Variants in TNIK observed in about 807,000 individuals in gnomAD.
The protein encoded by TNIK is TRAF2 and NCK-interacting protein kinase.
A neutral mutation model predicts 191.3 loss-of-function variants in TNIK; 49 were observed. The ratio of observed to expected loss-of-function variants is 0.26; its 90% CI spans 0.20 to 0.32. TNIK has a LOEUF of 0.32. Among genes scored for constraint, TNIK ranks in the 10% least tolerant of loss-of-function variants. The probability of loss-of-function intolerance (pLI) is 1.00; values close to 1 mark genes in which losing one functional copy is unlikely to be tolerated. For synonymous variants in TNIK, 594 were observed against 600.9 expected (o/e 0.99, Z 0.17); for missense variants, 1,155 against 1,702.3 (o/e 0.68, Z 5.66).
intron 1 of TNIK, among the ~76,000 whole-genome samples, chr3:171,437,016 T>A (rs1019765120): frequency 6.6e-6 from 1 of 152,236 alleles, no homozygotes; most frequent in African/African-American, 2.4e-5. Flanking sequence ...TCTCTTTTTT[T>A]ATTACTGCCC....
chr3:171,305,549 C>T (rs1753363032), intron 2 of TNIK, among the ~76,000 whole-genome samples: 2 of 152,004 alleles, frequency 1.3e-5, no homozygotes, highest in African/African-American at 4.8e-5. Flanking sequence ...AAAAAGTGGG[C>T]AAAGGACATG....
At chr3:171,202,667 TTAA>T (rs1402937110) in intron 4 of TNIK, among the ~76,000 whole-genome samples, 2 of 152,220 alleles carry the variant, frequency 1.3e-5, no homozygotes, top group Admixed American at 6.5e-5. Context: ...GAATCACCCA[TTAA>T]TTCATAAAAT....
chr3:171,317,413 A>T (rs1360101500), intron 2 of TNIK, among the ~76,000 whole-genome samples: 1 of 152,176 alleles, frequency 6.6e-6, no homozygotes, highest in South Asian at 2.1e-4. Flanking sequence ...GGACTGCTCA[A>T]TGGCTGAAAT....
chr3:171,252,066 G>A (rs561813205), intron 2 of TNIK, among the ~76,000 whole-genome samples: 9,422 of 150,844 alleles, frequency 0.062, 335 homozygotes, highest in Middle Eastern at 0.12. Flanking sequence ...TGGTATGCGT[G>A]TGTGTGTGTG....
intron 21 of TNIK, among the ~76,000 whole-genome samples, chr3:171,105,161 A>AGTTATCTAAATTGCAAAAACAGTCGTT (rs1418881130): frequency 6.6e-6 from 1 of 152,230 alleles, no homozygotes; most frequent in Admixed American, 6.5e-5. Context: ...TTTCAATCCC[A>AGTTATCTAAATTGCAAAAACAGTCGTT]GTTATCTAAA....
chr3:171,231,121 C>T lies in TNIK; in HGVS notation c.124-2900G>A, dbSNP rs530786687. 6.6e-5 allele frequency among the ~76,000 whole-genome samples: 10 copies of T among 152,318 alleles called. No individual in the cohort carries two copies. The South Asian group carries it at 2.1e-3, about 32-fold the overall frequency. ...AACACCTAGTTCTTCCCATCAGCAGCCTAGGGCTGAGCCAGCCCATGGTAC... is the reference window on the plus strand; with the variant it reads ...AACACCTAGTTCTTCCCATCAGCAGTCTAGGGCTGAGCCAGCCCATGGTAC... On this transcript the variant is annotated intron_variant, in intron 2 of 32. Transcript: ENST00000436636.
intron 12 of TNIK, among the ~76,000 whole-genome samples, chr3:171,152,567 A>C (rs1350724646): frequency 6.6e-6 from 1 of 152,104 alleles, no homozygotes; most frequent in African/African-American, 2.4e-5. Context: ...TGCAGAGCTC[A>C]GGAAGTGGAG....
chr3:171,261,489 T>C (rs931911820), intron 2 of TNIK, among the ~76,000 whole-genome samples: 3 of 152,210 alleles, frequency 2.0e-5, no homozygotes, highest in African/African-American at 7.2e-5. Flanking sequence ...GCAGGAATGA[T>C]AATTCCTGGT....
At chr3:171,146,243 C>T (rs1731561673) in intron 12 of TNIK, among the ~76,000 whole-genome samples, 1 of 152,188 alleles carries the variant, frequency 6.6e-6, no homozygotes, top group Non-Finnish European at 1.5e-5. Context: ...CTTTATGTTC[C>T]CTTCTACATT....
At chr3:171,231,038 A>G (rs1359672384) in intron 2 of TNIK, among the ~76,000 whole-genome samples, 2 of 152,186 alleles carry the variant, frequency 1.3e-5, no homozygotes, top group Non-Finnish European at 2.9e-5. Context: ...GTAGATTTTT[A>G]AGTCCTTAAG....
chr3:171,237,530 A>G (rs1043750337), intron 2 of TNIK, among the ~76,000 whole-genome samples: 4 of 151,774 alleles, frequency 2.6e-5, no homozygotes, highest in Non-Finnish European at 4.4e-5. Context: ...TACAATGAGC[A>G]CTCCCAGCCA....
At chr3:171,114,554 T>C (rs1726383513) in intron 18 of TNIK, among the ~76,000 whole-genome samples, 1 of 152,188 alleles carries the variant, frequency 6.6e-6, no homozygotes, top group Non-Finnish European at 1.5e-5. Flanking sequence ...AAACATTTGA[T>C]TGAGTAGAAA....
chr3:171,244,599 C>T (rs1745379760), intron 2 of TNIK, among the ~76,000 whole-genome samples: 1 of 152,004 alleles, frequency 6.6e-6, no homozygotes, highest in Admixed American at 6.6e-5. Flanking sequence ...CATCTGGTCA[C>T]ATACTATTTC....
intron 12 of TNIK, among the ~76,000 whole-genome samples, chr3:171,153,211 A>T (rs1732702944): frequency 6.6e-6 from 1 of 152,134 alleles, no homozygotes. Flanking sequence ...TTGCTTCTAT[A>T]GCATCAAACT....
In TNIK at chr3:171,353,231, C is replaced by T. The variant is rs573569132; in HGVS notation, c.123+16389G>A. The stretch of plus-strand genomic sequence containing the variant: ...TGACTGAACTCTTGCACTGAGCAGT[C>T]GACCCCACCATGCTTTCATTATGCC... On this transcript the variant is annotated intron_variant, in intron 2 of 32. Coordinates refer to ENST00000436636, the MANE Select transcript of TNIK (RefSeq NM_015028.4). Among the ~76,000 whole-genome samples the T allele has an allele frequency of 1.3e-4, 20 of 152,264 alleles. 1 individual carries two copies. The highest frequency in any genetic ancestry group is 3.4e-4 in the African/African-American group (14 of 41,550).
chr3:171,103,982 TGC>T (rs1724123889), intron 21 of TNIK, among the ~76,000 whole-genome samples: 1 of 152,112 alleles, frequency 6.6e-6, no homozygotes. Flanking sequence ...AGTTCTGAAC[TGC>T]TTAATAATTT....
chr3:171,276,111 C>T (rs549231736), intron 2 of TNIK, among the ~76,000 whole-genome samples: 6 of 152,148 alleles, frequency 3.9e-5, no homozygotes, highest in South Asian at 2.1e-4. Flanking sequence ...AGGAGCTGGA[C>T]GAAAATAATT....
chr3:171,083,793 G>A (rs1720985238), intron 26 of TNIK, among the ~76,000 whole-genome samples: 1 of 152,026 alleles, frequency 6.6e-6, no homozygotes, highest in Non-Finnish European at 1.5e-5. Context: ...ATGAACGTGG[G>A]GTATATCACA....
intron 11 of TNIK, among the ~76,000 whole-genome samples, chr3:171,158,054 G>C (rs1378523816): frequency 2.0e-5 from 3 of 152,188 alleles, no homozygotes; most frequent in African/African-American, 7.2e-5. Flanking sequence ...ATGGACAATG[G>C]TGGGCAACAA....
Sources: gnomAD v4.1 joint callset for allele counts (sites outside exome capture counted in the v4.1 genomes callset) on GRCh38, gnomAD v4.1.1 for gene constraint, MANE v1.5 for transcripts, NCBI Gene and HGNC (gene_info 2026-07-23, HGNC 2026-07-21) for gene names.